The following CALN1 variants were observed in gnomAD, a reference collection of about 807,000 sequenced individuals.
CALN1 encodes calcium-binding protein 8.
A neutral mutation model predicts 30.6 loss-of-function variants in CALN1; 17 were observed. That is an observed-to-expected ratio of 0.56 (90% confidence interval 0.38 to 0.83). CALN1 has a LOEUF of 0.83. Ranked by LOEUF, CALN1 falls within the 40% of genes least tolerant of loss-of-function variation. The pLI is 0.00. For synonymous variants in CALN1, 156 were observed against 131.4 expected, an observed-to-expected ratio of 1.19 and a Z score of -1.28; for missense variants, 291 against 354.9, an observed-to-expected ratio of 0.82 and a Z score of 1.45.
chr7:72,384,904 C>A (rs994914851), intron 2 of CALN1, among the ~76,000 whole-genome samples: 1 of 151,980 alleles, frequency 6.6e-6, no homozygotes, highest in African/African-American at 2.4e-5. Flanking sequence ...GAACGCATAT[C>A]TGATAAAGGA....
chr7:72,348,300 G>A (rs1487773541), intron 2 of CALN1, among the ~76,000 whole-genome samples: 2 of 152,136 alleles, frequency 1.3e-5, no homozygotes, highest in African/African-American at 4.8e-5. Context: ...TACAAATTAC[G>A]TGTGTCCTGC....
chr7:72,337,251 C>G (rs1223020766), intron 2 of CALN1: 2 of 985,242 alleles, frequency 2.0e-6, no homozygotes, highest in Admixed American at 1.2e-4. Context: ...GCTCTGCCGG[C>G]GCCCGCGTTC....
At chr7:71,826,676 G>A (rs928910050) in intron 5 of CALN1, among the ~76,000 whole-genome samples, 2 of 152,170 alleles carry the variant, frequency 1.3e-5, no homozygotes, top group Non-Finnish European at 2.9e-5. Flanking sequence ...GGCATCAGAT[G>A]AAGTGAGGTG....
At chr7:71,867,161 G>A (rs778522809) in intron 5 of CALN1, among the ~76,000 whole-genome samples, 2 of 151,440 alleles carry the variant, frequency 1.3e-5, no homozygotes, top group Non-Finnish European at 2.9e-5. Context: ...AAAAACTAAG[G>A]ACATTTACAG....
At chr7:71,861,777 C>CAAAAAA (rs35793572) in intron 5 of CALN1, among the ~76,000 whole-genome samples, 4 of 74,702 alleles carry the variant, frequency 5.4e-5, no homozygotes, top group East Asian at 4.6e-4. Context: ...CAACTCTATC[C>CAAAAAA]AAAAAAAAAA....
At position 72,390,975 on chromosome 7, in the gene CALN1, A is replaced by T. The variant is rs566411716; in HGVS notation, c.119+12276T>A. Reference sequence around the variant, plus strand: ...TGCACCAAAAGTACCCTTAAAATATATTTTTTTCTGACTCTAAGAAGATTT... The same window carrying T: ...TGCACCAAAAGTACCCTTAAAATATTTTTTTTTCTGACTCTAAGAAGATTT... On this transcript the variant is annotated intron_variant, in intron 2 of 6. Transcript: ENST00000395275. 5.9e-3 allele frequency among the ~76,000 whole-genome samples: 899 copies of T among 152,108 alleles called. 2 individuals carry two copies. The highest frequency in any genetic ancestry group is 8.6e-3 in the Non-Finnish European group (582 of 67,992).
At chr7:71,870,158 C>G (rs547120834) in intron 5 of CALN1, among the ~76,000 whole-genome samples, 1 of 152,014 alleles carries the variant, frequency 6.6e-6, no homozygotes, top group Non-Finnish European at 1.5e-5. Context: ...CGAGGTGGGC[C>G]GATCACCTGA....
At chr7:72,372,336 CTG>C (rs1804296526) in intron 2 of CALN1, among the ~76,000 whole-genome samples, 1 of 152,064 alleles carries the variant, frequency 6.6e-6, no homozygotes, top group Non-Finnish European at 1.5e-5. Context: ...GTTGCTTTTT[CTG>C]TGTTTCTGCC....
chr7:71,937,956 T>C (rs1008316305), intron 5 of CALN1, among the ~76,000 whole-genome samples: 1 of 150,708 alleles, frequency 6.6e-6, no homozygotes, highest in Admixed American at 6.8e-5. Context: ...TGTCACTATT[T>C]ATTCAACACA....
chr7:72,018,896 G>T (rs1584756547), intron 5 of CALN1, among the ~76,000 whole-genome samples: 1 of 152,190 alleles, frequency 6.6e-6, no homozygotes, highest in East Asian at 1.9e-4. Flanking sequence ...GAGTGCAGTG[G>T]CTCGATCTCA....
At chr7:72,424,428 C>G (rs1355810355) in intron 1 of CALN1, among the ~76,000 whole-genome samples, 2 of 152,042 alleles carry the variant, frequency 1.3e-5, no homozygotes, top group Non-Finnish European at 2.9e-5. Flanking sequence ...GTGTAGTGCC[C>G]TAACCTAATG....
chr7:71,842,633 C>G (rs902815340), intron 5 of CALN1, among the ~76,000 whole-genome samples: 11 of 152,172 alleles, frequency 7.2e-5, no homozygotes, highest in Admixed American at 2.0e-4. Flanking sequence ...CCATTTGCAA[C>G]GTTCACCGAT....
intron 2 of CALN1, among the ~76,000 whole-genome samples, chr7:72,356,620 A>G (rs1321829847): frequency 6.6e-6 from 1 of 151,988 alleles, no homozygotes; most frequent in South Asian, 2.1e-4. Context: ...CATTTCAAAA[A>G]TTGGATACAC....
chr7:72,390,012 G>A (rs754651974), intron 2 of CALN1, among the ~76,000 whole-genome samples: 1 of 152,072 alleles, frequency 6.6e-6, no homozygotes, highest in Non-Finnish European at 1.5e-5. Flanking sequence ...TTATTCCCAT[G>A]GCTTACTGCT....
chr7:72,479,846 C>T, the CALN1 span, among the ~76,000 whole-genome samples: 4 of 152,218 alleles, frequency 2.6e-5, no homozygotes, highest in South Asian at 2.1e-4. Flanking sequence ...CCACTGAGCC[C>T]GGCTTACAGC....
At chr7:72,141,073 C>T (rs776988045) in intron 3 of CALN1, among the ~76,000 whole-genome samples, 6 of 152,232 alleles carry the variant, frequency 3.9e-5, no homozygotes, top group Non-Finnish European at 5.9e-5. Context: ...TCCCTCAACC[C>T]AAGGCCAAGG....
intron 3 of CALN1, among the ~76,000 whole-genome samples, chr7:72,149,396 G>A (rs1041987734): frequency 3.3e-5 from 5 of 152,076 alleles, no homozygotes; most frequent in African/African-American, 1.2e-4. Flanking sequence ...TGAACCCAGA[G>A]GTGGAGGATG....
intron 5 of CALN1, among the ~76,000 whole-genome samples, chr7:72,007,436 ACTTGGGAGGCTGAAG>A (rs1799835272): frequency 6.6e-6 from 1 of 152,168 alleles, no homozygotes. Flanking sequence ...AGTCCCAGCT[ACTTGGGAGGCTGAAG>A]CAGGAGAATC....
At chr7:72,372,677 A>AT (rs1804316377) in intron 2 of CALN1, among the ~76,000 whole-genome samples, 1 of 152,148 alleles carries the variant, frequency 6.6e-6, no homozygotes, top group African/African-American at 2.4e-5. Flanking sequence ...TAGCAATGCA[A>AT]AAGCTTTGGA....
Sources: allele counts gnomAD v4.1 joint callset (sites outside exome capture counted in the v4.1 genomes callset), GRCh38; gene constraint gnomAD v4.1.1; transcripts MANE v1.5; gene names NCBI Gene and HGNC (gene_info 2026-07-23, HGNC 2026-07-21).